The following CDKAL1 variants were observed in gnomAD, a reference collection of about 807,000 sequenced individuals.
The protein encoded by CDKAL1 is threonylcarbamoyladenosine tRNA methylthiotransferase.
CDKAL1 carries 32 observed loss-of-function variants against 68.2 expected under a neutral mutation model. The ratio of observed to expected loss-of-function variants is 0.47; its 90% CI spans 0.35 to 0.63. The LOEUF is 0.63. Among genes scored for constraint, CDKAL1 ranks in the 30% least tolerant of loss-of-function variants. CDKAL1 has a pLI of 0.00. For synonymous variants in CDKAL1, 234 were observed against 244.3 expected, an observed-to-expected ratio of 0.96 and a Z score of 0.39; for missense variants, 606 against 696.7, an observed-to-expected ratio of 0.87 and a Z score of 1.47.
intron 13 of CDKAL1, among the ~76,000 whole-genome samples, chr6:21,180,136 C>T (rs1441360693): frequency 1.3e-5 from 2 of 152,232 alleles, no homozygotes; most frequent in Non-Finnish European, 2.9e-5. Flanking sequence ...AATGTCTACT[C>T]ACCCTGTAGG....
intron 11 of CDKAL1, among the ~76,000 whole-genome samples, chr6:21,049,859 G>A (rs957772544): frequency 2.0e-5 from 3 of 149,096 alleles, no homozygotes; most frequent in Non-Finnish European, 4.4e-5. Context: ...ACTTTTCCAA[G>A]TGTCAGAAAC....
chr6:21,149,860 T>C (rs1325938841), intron 13 of CDKAL1, among the ~76,000 whole-genome samples: 2 of 152,086 alleles, frequency 1.3e-5, no homozygotes, highest in African/African-American at 2.4e-5. Flanking sequence ...CGAACATTTA[T>C]TTATTTATTT....
intron 9 of CDKAL1, among the ~76,000 whole-genome samples, chr6:20,902,690 T>G (rs1233986487): frequency 1.3e-5 from 2 of 152,156 alleles, no homozygotes; most frequent in African/African-American, 2.4e-5. Flanking sequence ...GGGAAATTGC[T>G]TAAGGACAGA....
chr6:20,743,984 G>A (rs1010662952), intron 6 of CDKAL1, among the ~76,000 whole-genome samples: 1 of 152,206 alleles, frequency 6.6e-6, no homozygotes, highest in African/African-American at 2.4e-5. Flanking sequence ...GTATATTTAT[G>A]AGTGACCAGT....
At chr6:21,152,176 C>T (rs1387039987) in intron 13 of CDKAL1, among the ~76,000 whole-genome samples, 1 of 152,130 alleles carries the variant, frequency 6.6e-6, no homozygotes. Context: ...GAAGAGGGTC[C>T]TCTCTTTCTT....
At chr6:20,902,189 A>T (rs371058400) in intron 9 of CDKAL1, among the ~76,000 whole-genome samples, 12 of 152,266 alleles carry the variant, frequency 7.9e-5, no homozygotes, top group African/African-American at 2.6e-4. Flanking sequence ...CAGTGAAATG[A>T]CATCATCTGA....
intron 11 of CDKAL1, among the ~76,000 whole-genome samples, chr6:21,014,333 G>C (rs1221866210): frequency 6.6e-6 from 1 of 152,166 alleles, no homozygotes; most frequent in Non-Finnish European, 1.5e-5. Flanking sequence ...GCCGGGTGTG[G>C]TGGCTCACAC....
intron 8 of CDKAL1, among the ~76,000 whole-genome samples, chr6:20,813,686 C>T (rs7752310): frequency 0.29 from 43,408 of 151,956 alleles, 6,721 homozygotes; most frequent in East Asian, 0.53. Flanking sequence ...TGTTCCAGCA[C>T]CATTTGTTGA....
At chr6:20,644,812 A>G (rs969719752) in intron 4 of CDKAL1, among the ~76,000 whole-genome samples, 3 of 152,234 alleles carry the variant, frequency 2.0e-5, no homozygotes, top group African/African-American at 7.2e-5. Flanking sequence ...CTATTGATTG[A>G]GGTTACTGCA....
chr6:20,907,227 A>G (rs1762268746), intron 9 of CDKAL1, among the ~76,000 whole-genome samples: 1 of 152,210 alleles, frequency 6.6e-6, no homozygotes, highest in Non-Finnish European at 1.5e-5. Context: ...TAAGATGACC[A>G]GCCTGGGCAA....
intron 11 of CDKAL1, among the ~76,000 whole-genome samples, chr6:21,019,748 T>C (rs1033387368): frequency 6.6e-6 from 1 of 152,182 alleles, no homozygotes; most frequent in African/African-American, 2.4e-5. Context: ...CATACAGCAA[T>C]AGACAAAATA....
At chr6:21,225,809 A>T (rs546906924) in intron 15 of CDKAL1, among the ~76,000 whole-genome samples, 1 of 152,368 alleles carries the variant, frequency 6.6e-6, no homozygotes, top group Non-Finnish European at 1.5e-5. Flanking sequence ...AAATAAAATA[A>T]TGACTTTGTA....
intron 4 of CDKAL1, among the ~76,000 whole-genome samples, chr6:20,610,462 A>G (rs1246393333): frequency 6.6e-6 from 1 of 151,756 alleles, no homozygotes; most frequent in African/African-American, 2.4e-5. Context: ...GACTTTAATA[A>G]TAGCTGTTCT....
intron 9 of CDKAL1, among the ~76,000 whole-genome samples, chr6:20,873,309 ACT>A (rs1382952450): frequency 1.3e-5 from 2 of 151,988 alleles, no homozygotes; most frequent in African/African-American, 4.8e-5. Flanking sequence ...AGATTTGGGA[ACT>A]CTTTGTCATA....
intron 9 of CDKAL1, among the ~76,000 whole-genome samples, chr6:20,851,499 A>G (rs1759010592): frequency 6.6e-6 from 1 of 152,172 alleles, no homozygotes; most frequent in Non-Finnish European, 1.5e-5. Context: ...AAATGTAGAG[A>G]TGATGGATGA....
intron 13 of CDKAL1, among the ~76,000 whole-genome samples, chr6:21,150,357 C>G (rs1053320458): frequency 6.6e-6 from 1 of 152,146 alleles, no homozygotes; most frequent in African/African-American, 2.4e-5. Context: ...AATCAAAACT[C>G]CTGATGCCTC....
At chr6:20,617,339 G>C (rs369875353) in intron 4 of CDKAL1, among the ~76,000 whole-genome samples, 3 of 152,172 alleles carry the variant, frequency 2.0e-5, no homozygotes, top group Admixed American at 2.0e-4. Flanking sequence ...ATAAAATTGT[G>C]ATCAGTGGTT....
chr6:21,131,088 A>T (rs1375888585), intron 13 of CDKAL1, among the ~76,000 whole-genome samples: 1 of 152,240 alleles, frequency 6.6e-6, no homozygotes, highest in African/African-American at 2.4e-5. Flanking sequence ...GATCCAGTGT[A>T]AATGGCAATA....
rs531904726 is a variant in CDKAL1, at chr6:20,837,937, TTGTGTGTGTGTGTG to T, written c.639-8106_639-8093del. 3.5e-3 allele frequency among the ~76,000 whole-genome samples: 434 copies of T among 123,198 alleles called. 2 individuals are homozygous for T. The highest frequency in any genetic ancestry group is 0.011 in the African/African-American group (350 of 33,074). 80.8% of individuals were successfully genotyped at this position (123,198 alleles called of 152,430 possible). On this transcript the variant is annotated intron_variant, in intron 8 of 15. Transcript: ENST00000274695. ...AGTTAGGGGTGGAGCTGGGAAGAAA[TTGTGTGTGTGTGTG>T]TGTGTGTGTGTGTGTGTGTGTGTGT...
Sources: allele counts gnomAD v4.1 joint callset (sites outside exome capture counted in the v4.1 genomes callset), GRCh38; gene constraint gnomAD v4.1.1; transcripts MANE v1.5; gene names NCBI Gene and HGNC (gene_info 2026-07-23, HGNC 2026-07-21).